RGS3: variants seen among roughly 807,000 people sequenced by gnomAD.
RGS3 encodes the protein regulator of G-protein signalling 3.
RGS3 carries 80 observed loss-of-function variants against 132.6 expected under a neutral mutation model. The observed-to-expected ratio is 0.60, with a 90% CI of 0.50 to 0.73. RGS3 has a LOEUF of 0.73. Ranked by LOEUF, RGS3 falls within the 30% of genes least tolerant of loss-of-function variation. RGS3 has a pLI of 0.00. For synonymous variants in RGS3, 598 were observed against 620.6 expected, an observed-to-expected ratio of 0.96 and a Z score of 0.54; for missense variants, 1,382 against 1,530.8, an observed-to-expected ratio of 0.90 and a Z score of 1.62.
intron 17 of RGS3, among the ~76,000 whole-genome samples, chr9:113,524,707 G>A (rs1308829340): frequency 6.6e-6 from 1 of 152,234 alleles, no homozygotes. Flanking sequence ...GGTGGGGCCA[G>A]CGCTTTGTGT....
Position 113,507,199 on chromosome 9 carries a change from A to G in RGS3, c.1086-88A>G. 9.2e-7 allele frequency: 1 copy of G among 1,082,482 alleles called. No homozygotes were observed. The allele number at this position is 1,082,482 out of a possible 1,614,324, so 67.1% of individuals were successfully genotyped here. A position where few individuals can be genotyped will look rare whatever the true frequency, so the allele number is the denominator to read the frequency against. On this transcript the variant is annotated intron_variant, in intron 12 of 24. Transcript: ENST00000350696. This position sits in a 1 kb window ranked among gnomAD's most constrained non-coding sequence, Gnocchi z 5.0. ...TCTGGTGTCTGCCTCCTCTTCCCCCATTATCCTCTCTGCCCTGTGGGCCCT... is the reference window on the plus strand; with the variant it reads ...TCTGGTGTCTGCCTCCTCTTCCCCCGTTATCCTCTCTGCCCTGTGGGCCCT...
At chr9:113,456,094 C>T (rs1829356689), upstream of RGS3, among the ~76,000 whole-genome samples, 1 of 152,164 alleles carries the variant, frequency 6.6e-6, no homozygotes. Context: ...ACTATTATTT[C>T]CTTCTTAATA....
intron 10 of RGS3, chr9:113,501,645 T>C: frequency 6.4e-7 from 1 of 1,558,818 alleles, no homozygotes; most frequent in Non-Finnish European, 8.7e-7. Context: ...GTGCTTGGCC[T>C]CTTGTGGGGA....
At chr9:113,451,932 A>C (rs1829254925) in intron 1 of RGS3, among the ~76,000 whole-genome samples, 1 of 151,944 alleles carries the variant, frequency 6.6e-6, no homozygotes, top group South Asian at 2.1e-4. Context: ...AAAAATCTTT[A>C]TTTTACCTTC....
chr9:113,575,487 G>A (rs778086720), intron 19 of RGS3, among the ~76,000 whole-genome samples: 23 of 152,126 alleles, frequency 1.5e-4, no homozygotes, highest in Non-Finnish European at 2.8e-4. Context: ...ACGTGAATGG[G>A]CAGCTGCCTC....
At chr9:113,543,601 A>G (rs1046362664) in intron 19 of RGS3, among the ~76,000 whole-genome samples, 2 of 152,234 alleles carry the variant, frequency 1.3e-5, no homozygotes, top group Non-Finnish European at 2.9e-5. Context: ...TTCCCTTACA[A>G]AATGACATTA....
chr9:113,454,427 G>C (rs1350736114), intron 1 of RGS3, among the ~76,000 whole-genome samples: 1 of 151,952 alleles, frequency 6.6e-6, no homozygotes, highest in African/African-American at 2.4e-5. Context: ...GGCCAACATG[G>C]TGAAACCCTG....
At chr9:113,448,539 T>C (rs1829168094) in intron 1 of RGS3, among the ~76,000 whole-genome samples, 1 of 152,202 alleles carries the variant, frequency 6.6e-6, no homozygotes, top group Non-Finnish European at 1.5e-5. Context: ...AAGCTTTTTC[T>C]GACCACTGTC....
At chr9:113,570,197 T>C (rs1010763967) in intron 19 of RGS3, 10 of 152,194 alleles carry the variant, frequency 6.6e-5, no homozygotes, top group African/African-American at 1.9e-4. Flanking sequence ...ATGTTTCATG[T>C]GAATGGATTC....
rs934915918 is a variant in RGS3 at position 113,463,767 on chromosome 9, T to C, written c.415+1566T>C. ...TGGGGAGCAACACAGCCGCCTCGGG[T>C]TGCAGACGCTCCTGTCCGGGTCGCA... On this transcript the variant is annotated intron_variant, in intron 3 of 24. Transcript: ENST00000350696. This position sits in a 1 kb window ranked among gnomAD's most constrained non-coding sequence, Gnocchi z 4.6. 15 of 1,581,978 alleles carry C rather than the reference T, an allele frequency of 9.5e-6. No homozygotes were observed. The highest frequency in any genetic ancestry group is 1.3e-5 in the Non-Finnish European group (15 of 1,165,724).
intron 1 of RGS3, among the ~76,000 whole-genome samples, chr9:113,446,324 T>TTA (rs910786123): frequency 2.6e-5 from 4 of 152,196 alleles, no homozygotes; most frequent in Non-Finnish European, 5.9e-5. Context: ...TAGATTATCT[T>TTA]GATAGAGAAA....
At chr9:113,535,825 G>A (rs1301104567) in intron 18 of RGS3, among the ~76,000 whole-genome samples, 1 of 152,160 alleles carries the variant, frequency 6.6e-6, no homozygotes, top group African/African-American at 2.4e-5. Context: ...GGCAGACAGA[G>A]CTTGTACTCC....
exon 9 of RGS3, chr9:113,497,340 A>G (rs1830720558): frequency 1.2e-6 from 2 of 1,613,486 alleles, no homozygotes; most frequent in African/African-American, 1.3e-5. Flanking sequence ...ACTACCTCCT[A>G]GGGGAGCACC....
exon 25 of RGS3, chr9:113,597,158 C>G: frequency 1.9e-6 from 1 of 533,254 alleles, no homozygotes; most frequent in Non-Finnish European, 3.3e-6. Flanking sequence ...GTGGGGTCCC[C>G]ACTGCCCCGG....
chr9:113,517,924 T>C (rs7043140), intron 16 of RGS3, among the ~76,000 whole-genome samples: 17,978 of 152,150 alleles, frequency 0.12, 1,245 homozygotes, highest in African/African-American at 0.19. Flanking sequence ...CAATTTACCC[T>C]GGCTGTGGGG....
intron 3 of RGS3, among the ~76,000 whole-genome samples, chr9:113,467,306 ACT>A (rs1829675131): frequency 6.6e-6 from 1 of 151,596 alleles, no homozygotes; most frequent in African/African-American, 2.4e-5. Flanking sequence ...GAACTACCAA[ACT>A]CTTTTCCAAA....
At chr9:113,568,513 C>G (rs1344495516) in intron 19 of RGS3, among the ~76,000 whole-genome samples, 3 of 152,248 alleles carry the variant, frequency 2.0e-5, no homozygotes, top group South Asian at 2.1e-4. Context: ...TTCTCTGATT[C>G]TTTGCAGGCC....
At chr9:113,501,370 T>G (rs1310473231) in intron 10 of RGS3, 1 of 1,327,632 alleles carries the variant, frequency 7.5e-7, no homozygotes, top group Non-Finnish European at 9.9e-7. Context: ...CTTGTCATTC[T>G]GAGGTTTCAG....
At chr9:113,542,534 C>A (rs1234635070) in intron 19 of RGS3, among the ~76,000 whole-genome samples, 1 of 152,084 alleles carries the variant, frequency 6.6e-6, no homozygotes, top group Non-Finnish European at 1.5e-5. Context: ...GAAGTGGATG[C>A]CTGAATGCCA....
Sources: gnomAD v4.1 joint callset for allele counts (sites outside exome capture counted in the v4.1 genomes callset) on GRCh38, gnomAD v4.1.1 for gene constraint, Gnocchi (gnomAD v3.1) non-coding constraint, MANE v1.5 for transcripts, NCBI Gene and HGNC (gene_info 2026-07-23, HGNC 2026-07-21) for gene names.